Variants in PEAK1 observed in about 807,000 individuals in gnomAD.
PEAK1 encodes the protein pseudopodium enriched atypical kinase 1.
PEAK1 carries 54 observed loss-of-function variants against 124.7 expected under a neutral mutation model. The observed-to-expected ratio is 0.43, with a 90% CI of 0.35 to 0.54. The LOEUF is 0.54. Ranked by LOEUF, PEAK1 falls within the 20% of genes least tolerant of loss-of-function variation. The pLI is 0.01. For synonymous variants in PEAK1, 719 were observed against 760.0 expected, an observed-to-expected ratio of 0.95 and a Z score of 0.89; for missense variants, 2,046 against 2,134.5, an observed-to-expected ratio of 0.96 and a Z score of 0.82.
At chr15:77,129,824 T>C (rs1022838676) in intron 9 of PEAK1, among the ~76,000 whole-genome samples, 1 of 152,172 alleles carries the variant, frequency 6.6e-6, no homozygotes, top group Non-Finnish European at 1.5e-5. Flanking sequence ...TAGACTATTA[T>C]AAATTCCCTT....
chr15:77,140,229 C>T (rs985293046), intron 8 of PEAK1, among the ~76,000 whole-genome samples: 4 of 152,140 alleles, frequency 2.6e-5, no homozygotes, highest in African/African-American at 9.7e-5. Context: ...GGAAGGAATG[C>T]TTCCCAACTT....
chr15:77,334,014 C>T (rs2066046951), intron 2 of PEAK1: 6 of 498,756 alleles, frequency 1.2e-5, no homozygotes, highest in South Asian at 8.8e-5. Flanking sequence ...TAATATAAGA[C>T]TGAGTCCTGC....
intron 2 of PEAK1, among the ~76,000 whole-genome samples, chr15:77,322,402 A>G (rs2065278606): frequency 6.6e-6 from 1 of 152,216 alleles, no homozygotes; most frequent in African/African-American, 2.4e-5. Context: ...AAAGAAGAAA[A>G]GAGAGAAGAA....
At chr15:77,404,644 T>C (rs932431773) in intron 1 of PEAK1, 2 of 949,124 alleles carry the variant, frequency 2.1e-6, no homozygotes, top group Non-Finnish European at 2.5e-6. Context: ...ACCCAAGAGA[T>C]TTGAGACATA....
intron 6 of PEAK1, among the ~76,000 whole-genome samples, chr15:77,201,293 A>G (rs952912028): frequency 1.6e-5 from 2 of 128,668 alleles, no homozygotes; most frequent in African/African-American, 6.0e-5. Context: ...GCTGGAGTGC[A>G]GTGTTGAAAT....
intron 1 of PEAK1, among the ~76,000 whole-genome samples, chr15:77,368,251 C>T (rs556631710): frequency 2.3e-4 from 35 of 152,266 alleles, no homozygotes; most frequent in African/African-American, 7.9e-4. Flanking sequence ...CATGGTGGCT[C>T]ATGCCTGTAA....
chr15:77,151,832 G>A (rs1310784007), intron 8 of PEAK1, among the ~76,000 whole-genome samples: 8 of 152,078 alleles, frequency 5.3e-5, no homozygotes, highest in Non-Finnish European at 1.2e-4. Flanking sequence ...GATATGTGGC[G>A]TTATTTCTGA....
chr15:77,210,401 T>C (rs1045644497), intron 6 of PEAK1, among the ~76,000 whole-genome samples: 3 of 152,194 alleles, frequency 2.0e-5, no homozygotes, highest in African/African-American at 7.2e-5. Context: ...AAACCCAGCA[T>C]TTTAAATCCA....
In PEAK1 at chr15:77,166,061, G is replaced by C. The variant is rs113626712; in HGVS notation, c.3138-7365C>G. Among the ~76,000 whole-genome samples the C allele has an allele frequency of 6.3e-4, 96 of 152,256 alleles. 2 individuals are homozygous for C. The highest frequency in any genetic ancestry group is 2.2e-3 in the African/African-American group (93 of 41,536). ...TTAGAAGAAAAAAACAGCTATTATTGAAAGGTAGGGTATTAATGATTACAG... is the reference window on the plus strand; with the variant it reads ...TTAGAAGAAAAAAACAGCTATTATTCAAAGGTAGGGTATTAATGATTACAG... On this transcript the variant is annotated intron_variant, in intron 7 of 9. Coordinates refer to ENST00000682557, the MANE Select transcript of PEAK1 (RefSeq NM_001385026.1).
chr15:77,317,702 T>C (rs1004545481), intron 2 of PEAK1, among the ~76,000 whole-genome samples: 9 of 152,212 alleles, frequency 5.9e-5, no homozygotes, highest in Non-Finnish European at 1.2e-4. Flanking sequence ...TGAGATATCA[T>C]ATGTACTATA....
At chr15:77,351,047 G>T in intron 2 of PEAK1, 1 of 641,210 alleles carries the variant, frequency 1.6e-6, no homozygotes, top group Non-Finnish European at 1.9e-6. Flanking sequence ...ATCAGCCCCT[G>T]CCTTCAGAGG....
chr15:77,420,716 T>C, upstream of PEAK1: 1 of 394,180 alleles, frequency 2.5e-6, no homozygotes. Context: ...TGGGGCAAAA[T>C]AATCCCTTCA....
chr15:77,417,778 T>C (rs1265811674), intron 1 of PEAK1: 1 of 985,254 alleles, frequency 1.0e-6, no homozygotes, highest in African/African-American at 1.7e-5. Context: ...GCTAATCTCA[T>C]GATGCTTCAC....
intron 6 of PEAK1, among the ~76,000 whole-genome samples, chr15:77,192,766 T>C (rs1480580770): frequency 2.0e-5 from 3 of 152,112 alleles, no homozygotes; most frequent in African/African-American, 4.8e-5. Context: ...CTCAAGGCCA[T>C]TGCTAATAAG....
chr15:77,198,004 C>T (rs904511253), intron 6 of PEAK1, among the ~76,000 whole-genome samples: 5 of 151,910 alleles, frequency 3.3e-5, no homozygotes, highest in East Asian at 1.9e-4. Flanking sequence ...TTATCATTTA[C>T]TATCATAGAG....
chr15:77,371,085 A>T, intron 1 of PEAK1: 2 of 943,996 alleles, frequency 2.1e-6, no homozygotes, highest in Non-Finnish European at 1.3e-6. Flanking sequence ...TACAAAATCA[A>T]ATATAAATTC....
chr15:77,362,730 T>C (rs932378493), intron 2 of PEAK1, among the ~76,000 whole-genome samples: 27 of 152,152 alleles, frequency 1.8e-4, no homozygotes, highest in African/African-American at 6.0e-4. Context: ...CACAGCAGAA[T>C]TTTCATAATA....
intron 7 of PEAK1, among the ~76,000 whole-genome samples, chr15:77,165,057 C>T (rs1020587896): frequency 1.6e-4 from 24 of 152,128 alleles, no homozygotes; most frequent in Admixed American, 2.6e-4. Context: ...GTGCCCACCA[C>T]GCCTGGCTAA....
chr15:77,411,382 A>G (rs999250631), intron 1 of PEAK1, among the ~76,000 whole-genome samples: 1 of 152,224 alleles, frequency 6.6e-6, no homozygotes, highest in Non-Finnish European at 1.5e-5. Flanking sequence ...GGCACAATTA[A>G]CAACCCAAGA....
Sources: gnomAD v4.1 joint callset for allele counts (sites outside exome capture counted in the v4.1 genomes callset) on GRCh38, gnomAD v4.1.1 for gene constraint, MANE v1.5 for transcripts, NCBI Gene and HGNC (gene_info 2026-07-23, HGNC 2026-07-21) for gene names.